The following BEST3 variants were observed in gnomAD, a reference collection of about 807,000 sequenced individuals.
The protein encoded by BEST3 is bestrophin-3.
In BEST3, 50 loss-of-function variants were observed where a neutral mutation model predicts 47.1. The observed-to-expected ratio is 1.06, with a 90% CI of 0.85 to 1.34. The LOEUF (loss-of-function observed/expected upper bound fraction) is 1.34, where lower values mean the gene tolerates loss of function less well. BEST3 is among the 40% of genes most tolerant of loss of function. The pLI, the probability that BEST3 is intolerant of heterozygous loss-of-function variation, is 0.00. For missense variants in BEST3, 765 were observed against 817.0 expected, an observed-to-expected ratio of 0.94 and a Z score of 0.78; for synonymous variants, 282 against 298.8, an observed-to-expected ratio of 0.94 and a Z score of 0.58.
chr12:69,665,583 A>C (rs1332417236), intron 9 of BEST3, among the ~76,000 whole-genome samples: 1 of 151,866 alleles, frequency 6.6e-6, no homozygotes, highest in Non-Finnish European at 1.5e-5. Flanking sequence ...ACAGAGAGAG[A>C]CCTTGTCTAC....
At position 69,693,684 on chromosome 12, in the gene BEST3, C is replaced by A; in HGVS notation, c.471G>T (p.Val157=). The change falls in exon 4 of 10, where the codon GTG becomes GTT. Residue 157 remains valine (V), a synonymous_variant. Transcript: ENST00000330891. ...AGCCATTCATAGTACCTGCTTCAACCACGTGGTCCATTGTGGGAAATCTTT... is the reference window on the plus strand; with the variant it reads ...AGCCATTCATAGTACCTGCTTCAACAACGTGGTCCATTGTGGGAAATCTTT... ...VYKRFPTMDH[V]VEAGFMTTDE... The A allele has an allele frequency of 1.9e-6, 3 of 1,608,968 alleles. No individual in the cohort carries two copies. Among genetic ancestry groups the A allele is most frequent in the Non-Finnish European group, 2.6e-6 (3 of 1,175,656 alleles).
At position 69,655,398 on chromosome 12, in the gene BEST3, T is replaced by G. The variant is rs756054961; in HGVS notation, c.1516A>C (p.Thr506Pro). 1 of 1,614,154 alleles carries G rather than the reference T, an allele frequency of 6.2e-7. No individual in the cohort carries two copies. The highest frequency in any genetic ancestry group is 8.5e-7 in the Non-Finnish European group (1 of 1,180,030). ...GTGGGCACTGGTGCTTCGGCTGCTG[T>G]GATCAATACCTCAGGTACCAGTGGC... The part of the protein sequence containing the change: ...KMPLVPEVLI[T>P]AAEAPVPTSG... Residue 506 changes from threonine (T) to proline (P), a missense_variant, in exon 10 of 10, where the codon ACA (threonine) becomes CCA (proline). By Grantham distance (38) the Thr-to-Pro change is conservative. Transcript: ENST00000330891.
downstream of BEST3, among the ~76,000 whole-genome samples, chr12:69,649,200 G>A (rs1883135403): frequency 6.6e-6 from 1 of 152,198 alleles, no homozygotes; most frequent in African/African-American, 2.4e-5. Context: ...ATTTTGCCAT[G>A]TTAGCCAGGC....
At position 69,668,766 on chromosome 12, in the gene BEST3, C is replaced by T. The variant is rs138267711; in HGVS notation, c.1100+2662G>A. On this transcript the variant is annotated intron_variant, in intron 9 of 9. Transcript: ENST00000330891. ...CCATGAATAGTCAAAATATTGTCTCCCTGTTGATAGTAATTAGCTCAGAAA... is the reference window on the plus strand; with the variant it reads ...CCATGAATAGTCAAAATATTGTCTCTCTGTTGATAGTAATTAGCTCAGAAA... Among the ~76,000 whole-genome samples, 605 of 152,206 alleles carry T rather than the reference C, an allele frequency of 4.0e-3. 5 individuals carry two copies. The highest frequency in any genetic ancestry group is 0.014 in the African/African-American group (561 of 41,524).
chr12:69,655,171 G>A lies in BEST3; in HGVS notation c.1743C>T (p.Asp581=), dbSNP rs902513355. The change falls in exon 10 of 10, where the codon GAC becomes GAT. Residue 581 remains aspartate (D), a synonymous_variant. Transcript: ENST00000330891. ...AEENIFNCEE[D]PGDTFLKRWS... ...ACCTTTTTAGAAAGGTATCACCAGG[G>A]TCTTCTTCACAGTTGAATATATTTT... The A allele has an allele frequency of 6.2e-7, 1 of 1,614,148 alleles. No homozygotes were observed. The highest frequency in any genetic ancestry group is 2.2e-5 in the East Asian group (1 of 44,876).
Position 69,654,946 on chromosome 12 carries a change from G to A in BEST3, c.1968C>T (p.Ile656=). 2 of 1,614,010 alleles carry A rather than the reference G, an allele frequency of 1.2e-6. No homozygotes were observed. The highest frequency in any genetic ancestry group is 8.5e-7 in the Non-Finnish European group (1 of 1,179,956). The part of the protein sequence containing the change: ...MENLDTKETD[I]IELNKETEES... The stretch of plus-strand genomic sequence containing the variant: ...CCTCAGTTTCCTTGTTCAGCTCTAT[G>A]ATATCTGTTTCCTTGGTGTCCAGGT... Residue 656 remains isoleucine (I), a synonymous_variant, in exon 10 of 10, where the codon ATC becomes ATT. Coordinates refer to ENST00000330891, the MANE Select transcript of BEST3 (RefSeq NM_032735.3).
intron 9 of BEST3, among the ~76,000 whole-genome samples, chr12:69,644,514 T>C (rs1882971581): frequency 6.6e-6 from 1 of 152,208 alleles, no homozygotes; most frequent in Non-Finnish European, 1.5e-5. Context: ...GCACAGGGTA[T>C]GATGCAGTAT....
intron 9 of BEST3, 82 bp downstream of exon 9, chr12:69,671,344 TTC>T (rs1234114030): frequency 7.5e-6 from 9 of 1,199,018 alleles, no homozygotes; most frequent in East Asian, 2.8e-5. Context: ...ATTATTTTAT[TTC>T]TTTTTTTTTT....
chr12:69,652,435 AT>A (rs1198876572), downstream of BEST3, among the ~76,000 whole-genome samples: 4 of 152,152 alleles, frequency 2.6e-5, no homozygotes, highest in Admixed American at 2.0e-4. Context: ...TCATTTTAGA[AT>A]TAATAGAGAA....
chr12:69,665,870 A>G (rs2135943811), intron 9 of BEST3, among the ~76,000 whole-genome samples: 1 of 152,308 alleles, frequency 6.6e-6, no homozygotes, highest in African/African-American at 2.4e-5. Flanking sequence ...TGAAAATGGC[A>G]TTATGATCTA....
intron 4 of BEST3, among the ~76,000 whole-genome samples, chr12:69,687,817 A>G (rs1348522): frequency 0.39 from 59,875 of 152,146 alleles, 12,514 homozygotes; most frequent in East Asian, 0.73. Flanking sequence ...AGAGATGTAA[A>G]GTTTAACTGT....
Position 69,694,363 on chromosome 12 carries a change from T to A in BEST3, c.247+7A>T. The A allele has an allele frequency of 6.3e-7, 1 of 1,582,676 alleles. No individual in the cohort carries two copies. The highest frequency in any genetic ancestry group is 8.6e-7 in the Non-Finnish European group (1 of 1,156,302). ...GTGGCTGCAATCTGCGTGTGACCTA[T>A]ACTTACCAAGCACAAAGGTTACTGG... On this transcript the variant is annotated splice_region_variant and intron_variant, in intron 3 of 9. Coordinates refer to ENST00000330891, the MANE Select transcript of BEST3 (RefSeq NM_032735.3).
chr12:69,670,934 G>A (rs1735203678), intron 9 of BEST3, among the ~76,000 whole-genome samples: 1 of 152,076 alleles, frequency 6.6e-6, no homozygotes, highest in African/African-American at 2.4e-5. Context: ...TACATGCTCA[G>A]ACTTAATGAA....
At chr12:69,653,214 C>A (rs1883268578), downstream of BEST3, among the ~76,000 whole-genome samples, 1 of 152,202 alleles carries the variant, frequency 6.6e-6, no homozygotes, top group Non-Finnish European at 1.5e-5. Flanking sequence ...CAAGCTGGAG[C>A]AATGCCCTTC....
intron 9 of BEST3, 37 bp downstream of exon 9, chr12:69,671,391 C>T (rs1049092518): frequency 3.2e-6 from 5 of 1,564,590 alleles, no homozygotes; most frequent in Middle Eastern, 1.7e-4. Context: ...GTTGCTCAGG[C>T]TGGAAAATAT....
intron 5 of BEST3, among the ~76,000 whole-genome samples, chr12:69,678,217 A>G (rs1312565717): frequency 1.7e-5 from 2 of 117,002 alleles, no homozygotes; most frequent in Non-Finnish European, 3.6e-5. Flanking sequence ...TGGCACAAAT[A>G]TACCCAGCCC....
intron 9 of BEST3, among the ~76,000 whole-genome samples, chr12:69,644,709 G>C (rs921374441): frequency 2.0e-5 from 3 of 152,154 alleles, no homozygotes; most frequent in African/African-American, 7.2e-5. Context: ...GTTCCACTGG[G>C]AGTAATGTTG....
intron 9 of BEST3, chr12:69,670,300 C>G: frequency 3.2e-6 from 2 of 615,876 alleles, no homozygotes; most frequent in Non-Finnish European, 5.8e-6. Context: ...GTGGGTGGGT[C>G]TGGTCTTAGA....
intron 3 of BEST3, chr12:69,694,165 TAGC>T (rs1886043249): frequency 3.5e-6 from 2 of 571,922 alleles, no homozygotes; most frequent in Non-Finnish European, 6.2e-6. Context: ...AAATGTCCAA[TAGC>T]AGATTATTTC....
Sources: allele counts gnomAD v4.1 joint callset (sites outside exome capture counted in the v4.1 genomes callset), GRCh38; gene constraint gnomAD v4.1.1; transcripts MANE v1.5; gene names NCBI Gene and HGNC (gene_info 2026-07-23, HGNC 2026-07-21).